FAM168B: variants seen among roughly 807,000 people sequenced by gnomAD.
FAM168B encodes myelin-associated neurite-outgrowth inhibitor.
Under a neutral mutation model 21.8 loss-of-function variants are expected in FAM168B, and 19 were observed. That is an observed-to-expected ratio of 0.87 (90% CI 0.61 to 1.28). The LOEUF (loss-of-function observed/expected upper bound fraction) is 1.28, where lower values mean the gene tolerates loss of function less well. Ranked by LOEUF, FAM168B falls within the 50% of genes most tolerant of loss-of-function variation. The pLI, the probability that FAM168B is intolerant of heterozygous loss-of-function variation, is 0.00. For missense variants in FAM168B, 233 were observed against 263.1 expected (o/e 0.89, Z 0.79); for synonymous variants, 126 against 104.8 (o/e 1.20, Z -1.24).
intron 2 of FAM168B, among the ~76,000 whole-genome samples, chr2:131,081,953 G>T (rs1693451915): frequency 6.6e-6 from 1 of 152,180 alleles, no homozygotes; most frequent in African/African-American, 2.4e-5. Flanking sequence ...AAATGAAACT[G>T]TATCATTATA....
At chr2:131,063,808 T>G (rs573325270) in intron 3 of FAM168B, among the ~76,000 whole-genome samples, 1 of 152,094 alleles carries the variant, frequency 6.6e-6, no homozygotes, top group South Asian at 2.1e-4. Context: ...TTTTAAAAAT[T>G]TAAAACACTA....
chr2:131,061,613 G>A (rs1047985454), intron 3 of FAM168B, among the ~76,000 whole-genome samples: 2 of 151,852 alleles, frequency 1.3e-5, no homozygotes, highest in African/African-American at 2.4e-5. Flanking sequence ...AAACCCCATC[G>A]CTACTAAAAA....
chr2:131,062,859 C>T (rs1692373349), intron 3 of FAM168B, among the ~76,000 whole-genome samples: 1 of 152,202 alleles, frequency 6.6e-6, no homozygotes, highest in African/African-American at 2.4e-5. Context: ...GCATGGGATG[C>T]TAAACTTGTG....
intron 3 of FAM168B, 82 bp from the exon 4 acceptor site, chr2:131,055,777 C>CT: frequency 6.5e-7 from 1 of 1,527,642 alleles, no homozygotes; most frequent in South Asian, 1.2e-5. Context: ...AGGAGCTAAG[C>CT]TGCGTGTCAG....
intron 3 of FAM168B, among the ~76,000 whole-genome samples, chr2:131,066,271 G>A (rs889347530): frequency 1.3e-5 from 2 of 151,602 alleles, no homozygotes; most frequent in African/African-American, 2.4e-5. Context: ...CGCCTCCCAG[G>A]TTCATGCCAT....
In FAM168B at chr2:131,049,181, G is replaced by A. The variant is rs1158358510; in HGVS notation, c.*3284C>T. ...ATGTATTTCCTCTCGTTACTGTTGT[G>A]TCCCCCAAGACACATGCAAATTATT... On this transcript the variant is annotated 3_prime_UTR_variant, in exon 7 of 7. Transcript: ENST00000389915. 2.0e-6 allele frequency: 2 copies of A among 985,206 alleles called. No individual in the cohort carries two copies. The highest frequency in any genetic ancestry group is 2.4e-6 in the Non-Finnish European group (2 of 829,938). 61.0% of individuals were successfully genotyped at this position (985,206 alleles called of 1,614,324 possible).
At chr2:131,071,676 T>C (rs1207992618) in intron 3 of FAM168B, among the ~76,000 whole-genome samples, 179 bp downstream of exon 3, 1 of 152,174 alleles carries the variant, frequency 6.6e-6, no homozygotes, top group African/African-American at 2.4e-5. Context: ...AAACACAGTA[T>C]ATAAAGCTTC....
chr2:131,089,218 G>A (rs545698574), intron 1 of FAM168B, among the ~76,000 whole-genome samples: 11 of 151,948 alleles, frequency 7.2e-5, no homozygotes, highest in Admixed American at 7.2e-4. Flanking sequence ...CGCCAGTCTT[G>A]GCCTCCCAAA....
At chr2:131,091,116 T>G (rs1693997715) in intron 1 of FAM168B, among the ~76,000 whole-genome samples, 1 of 152,024 alleles carries the variant, frequency 6.6e-6, no homozygotes, top group African/African-American at 2.4e-5. Flanking sequence ...GGTGGATCAC[T>G]TGAGGTCAAG....
rs1428045123 is a variant in FAM168B at position 131,051,618 on chromosome 2, T to TA, written c.*846dup. On this transcript the variant is annotated 3_prime_UTR_variant, in exon 7 of 7. Transcript: ENST00000389915. ...TTAGTTTTACATAGGACTTTTCCAA[T>TA]AAAGACATATAAAAACATCATCTCT... is the stretch of plus-strand genomic sequence containing the variant. 1.0e-6 allele frequency: 1 copy of TA among 985,166 alleles called. No individual in the cohort carries two copies. Among genetic ancestry groups the TA allele is most frequent in the Admixed American group, 6.2e-5 (1 of 16,252 alleles). The allele number at this position is 985,166 out of a possible 1,614,324, so 61.0% of individuals were successfully genotyped here. A position where few individuals can be genotyped will look rare whatever the true frequency, so the allele number is the denominator to read the frequency against.
At chr2:131,082,191 G>T (rs1003402906) in intron 2 of FAM168B, among the ~76,000 whole-genome samples, 1 of 152,172 alleles carries the variant, frequency 6.6e-6, no homozygotes, top group African/African-American at 2.4e-5. Context: ...GCCCAGGACT[G>T]GTTTGAATAG....
chr2:131,066,674 G>A (rs796589229), intron 3 of FAM168B, among the ~76,000 whole-genome samples: 1 of 152,170 alleles, frequency 6.6e-6, no homozygotes, highest in African/African-American at 2.4e-5. Flanking sequence ...ATGCCTGATC[G>A]TAGGCTTGGG....
intron 2 of FAM168B, among the ~76,000 whole-genome samples, chr2:131,073,208 TCA>T (rs892053028): frequency 6.6e-6 from 1 of 151,966 alleles, no homozygotes; most frequent in Non-Finnish European, 1.5e-5. Flanking sequence ...TTCTCCTGCC[TCA>T]GTCTCCCTAG....
chr2:131,073,553 A>C (rs1692985996), intron 2 of FAM168B, among the ~76,000 whole-genome samples: 1 of 152,164 alleles, frequency 6.6e-6, no homozygotes, highest in Non-Finnish European at 1.5e-5. Context: ...TTCCTGATAA[A>C]AAGGACAAGT....
chr2:131,048,034 G>T lies in FAM168B; in HGVS notation c.*4431C>A. On this transcript the variant is annotated 3_prime_UTR_variant, in exon 7 of 7. Coordinates refer to ENST00000389915, the MANE Select transcript of FAM168B (RefSeq NM_001009993.4). ...ATTGACACCTAACTGAACTGGCTCA[G>T]GATGGAAATTCCATTCCTTGGCATG... The T allele has an allele frequency of 2.4e-6, 1 of 410,086 alleles. No individual in the cohort carries two copies. Among genetic ancestry groups the T allele is most frequent in the Non-Finnish European group, 4.0e-6 (1 of 251,944 alleles). The allele number at this position is 410,086 out of a possible 1,614,324, so 25.4% of individuals were successfully genotyped here.
At chr2:131,061,782 GAAAAA>G (rs112944472) in intron 3 of FAM168B, among the ~76,000 whole-genome samples, 4 of 129,868 alleles carry the variant, frequency 3.1e-5, no homozygotes, top group African/African-American at 1.1e-4. Flanking sequence ...ACCCTGTCTC[GAAAAA>G]AAAAAAAAAG....
intron 1 of FAM168B, among the ~76,000 whole-genome samples, chr2:131,089,201 G>T (rs1009715764): frequency 6.6e-6 from 1 of 151,974 alleles, no homozygotes; most frequent in African/African-American, 2.4e-5. Context: ...TCCGACCTCA[G>T]GTGATCCGCC....
rs1691501655 is a variant in FAM168B, at chr2:131,049,297, C to CCT, written c.*3167_*3168insAG. On this transcript the variant is annotated 3_prime_UTR_variant, in exon 7 of 7. Transcript: ENST00000389915. ...TGGGGAAGGGCAAGACACTCACTGA[C>CCT]CAGGTGCCCACCCCAAGGCTCAGGA... The CCT allele has an allele frequency of 2.0e-6, 2 of 985,368 alleles. No homozygotes were observed. Among genetic ancestry groups the CCT allele is most frequent in the African/African-American group, 3.5e-5 (2 of 57,230 alleles). 61.0% of individuals were successfully genotyped at this position (985,368 alleles called of 1,614,324 possible). A position where few individuals can be genotyped will look rare whatever the true frequency, so the allele number is the denominator to read the frequency against.
Position 131,051,295 on chromosome 2 carries a change from C to G in FAM168B, c.*1170G>C. 1 of 985,320 alleles carries G rather than the reference C, an allele frequency of 1.0e-6. No homozygotes were observed. The highest frequency in any genetic ancestry group is 1.2e-6 in the Non-Finnish European group (1 of 829,918). 61.0% of individuals were successfully genotyped at this position (985,320 alleles called of 1,614,324 possible). ...GAAGCAGCTACAGGTTTCTACATTT[C>G]CAGACATATCCACGGCCCTGCCTTT... On this transcript the variant is annotated 3_prime_UTR_variant, in exon 7 of 7. Transcript: ENST00000389915.
Sources: gnomAD v4.1 joint callset for allele counts (sites outside exome capture counted in the v4.1 genomes callset) on GRCh38, gnomAD v4.1.1 for gene constraint, MANE v1.5 for transcripts, NCBI Gene and HGNC (gene_info 2026-07-23, HGNC 2026-07-21) for gene names.